Variants in SYNGR1 observed in about 807,000 individuals in gnomAD.
The protein encoded by SYNGR1 is synaptogyrin-1.
SYNGR1 carries 14 observed loss-of-function variants against 26.1 expected under a neutral mutation model. The observed-to-expected ratio is 0.54, with a 90% confidence interval of 0.35 to 0.84. The LOEUF (loss-of-function observed/expected upper bound fraction) is 0.84. Ranked by LOEUF, SYNGR1 falls within the 40% of genes least tolerant of loss-of-function variation. The pLI, the probability that SYNGR1 is intolerant of heterozygous loss-of-function variation, is 0.01. For missense variants in SYNGR1, 319 were observed against 332.9 expected (o/e 0.96, Z 0.33); for synonymous variants, 141 against 150.1 (o/e 0.94, Z 0.44).
At chr22:39,373,931 G>GTGGGGGC (rs967753563) in intron 1 of SYNGR1, among the ~76,000 whole-genome samples, 27 of 152,366 alleles carry the variant, frequency 1.8e-4, no homozygotes, top group Non-Finnish European at 3.7e-4. Flanking sequence ...CAGCCTGGGG[G>GTGGGGGC]TGGGGGCTGG....
intron 3 of SYNGR1, among the ~76,000 whole-genome samples, chr22:39,378,792 C>T (rs1925398180): frequency 6.6e-6 from 1 of 152,244 alleles, no homozygotes; most frequent in South Asian, 2.1e-4. Flanking sequence ...GAACTCCCAT[C>T]CTCCCTCTGC....
chr22:39,372,428 A>G (rs1275591942), intron 1 of SYNGR1, among the ~76,000 whole-genome samples: 1 of 109,964 alleles, frequency 9.1e-6, no homozygotes, highest in South Asian at 3.2e-4. Flanking sequence ...ACCATGCACC[A>G]CGCCCAGCTC....
chr22:39,356,986 G>A (rs2010904), intron 1 of SYNGR1, among the ~76,000 whole-genome samples: 22,547 of 152,120 alleles, frequency 0.15, 3,153 homozygotes, highest in African/African-American at 0.36. Flanking sequence ...GGCCAGGCGC[G>A]ATGGCTCACA....
chr22:39,377,218 C>A, intron 3 of SYNGR1: 1 of 1,435,918 alleles, frequency 7.0e-7, no homozygotes, highest in Non-Finnish European at 9.1e-7. Flanking sequence ...TTTTTGAGGG[C>A]CCCTGGATAT....
chr22:39,376,549 G>A (rs1192356691), intron 3 of SYNGR1, among the ~76,000 whole-genome samples: 1 of 152,206 alleles, frequency 6.6e-6, no homozygotes, highest in Non-Finnish European at 1.5e-5. Context: ...GGAAGGTGAG[G>A]CTTACAGGGT....
At position 39,350,197 on chromosome 22, in the gene SYNGR1, A is replaced by G; in HGVS notation, c.99+88A>G. ...CGCGCCCGGACCGACCCCGACCCCG[A>G]CCCCAACGGGCCCCCGGCGGCGGCG... On this transcript the variant is annotated intron_variant, in intron 1 of 3. Coordinates refer to ENST00000328933, the MANE Select transcript of SYNGR1 (RefSeq NM_004711.5). The surrounding 1 kb of genome is among the most constrained non-coding windows in gnomAD (Gnocchi z 4.3). 1 of 915,272 alleles carries G rather than the reference A, an allele frequency of 1.1e-6. No homozygotes were observed. The highest frequency in any genetic ancestry group is 1.4e-6 in the Non-Finnish European group (1 of 715,348). 56.7% of individuals were successfully genotyped at this position (915,272 alleles called of 1,614,324 possible).
At chr22:39,365,402 C>T (rs1924692291) in intron 1 of SYNGR1, among the ~76,000 whole-genome samples, 1 of 152,086 alleles carries the variant, frequency 6.6e-6, no homozygotes, top group South Asian at 2.1e-4. Context: ...CTGTGCAGGT[C>T]CCTAGAAGCG....
chr22:39,380,385 A>T (rs746040670), intron 3 of SYNGR1, among the ~76,000 whole-genome samples: 12 of 152,118 alleles, frequency 7.9e-5, no homozygotes, highest in Non-Finnish European at 1.3e-4. Context: ...CTGGCTCCAG[A>T]GGTCTTCGGT....
chr22:39,360,093 G>A (rs1924399390), intron 1 of SYNGR1, among the ~76,000 whole-genome samples: 1 of 152,114 alleles, frequency 6.6e-6, no homozygotes, highest in Non-Finnish European at 1.5e-5. Context: ...GTTAAATTCA[G>A]TCCTAGGCAT....
At chr22:39,379,670 C>A (rs1419136850) in intron 3 of SYNGR1, 1 of 150,938 alleles carries the variant, frequency 6.6e-6, no homozygotes, top group African/African-American at 2.4e-5. Flanking sequence ...AATGCCCAGT[C>A]ACTGGGTTTC....
chr22:39,376,525 C>T (rs539252986), intron 3 of SYNGR1, among the ~76,000 whole-genome samples: 1 of 152,236 alleles, frequency 6.6e-6, no homozygotes, highest in East Asian at 1.9e-4. Flanking sequence ...GATGAGAAAG[C>T]AGAGGCCTAG....
At position 39,385,091 on chromosome 22, in the gene SYNGR1, A is replaced by T; in HGVS notation, c.*3177A>T. 1 of 398,450 alleles carries T rather than the reference A, an allele frequency of 2.5e-6. No homozygotes were observed. Among genetic ancestry groups the T allele is most frequent in the African/African-American group, 2.1e-5 (1 of 48,704 alleles). 24.7% of individuals were successfully genotyped at this position (398,450 alleles called of 1,614,324 possible). On this transcript the variant is annotated 3_prime_UTR_variant, in exon 4 of 4. Coordinates refer to ENST00000328933, the MANE Select transcript of SYNGR1 (RefSeq NM_004711.5). ...CCAGGTTTCCCCATGTAACTGAGAC[A>T]CCCTGCCTGTTAGCCCTGGGAGACC...
intron 1 of SYNGR1, among the ~76,000 whole-genome samples, chr22:39,364,800 C>CT (rs972776646): frequency 1.3e-5 from 2 of 152,084 alleles, no homozygotes; most frequent in Non-Finnish European, 2.9e-5. Flanking sequence ...TCTGGGGTCT[C>CT]TGTTTCTATG....
rs755974331 is a variant in SYNGR1, at chr22:39,350,929, G to A, written c.99+820G>A. On this transcript the variant is annotated intron_variant, in intron 1 of 3. Coordinates refer to ENST00000328933, the MANE Select transcript of SYNGR1 (RefSeq NM_004711.5). This position sits in a 1 kb window ranked among gnomAD's most constrained non-coding sequence, Gnocchi z 4.3. ...TCTGCTCCCACAGTGAAGAGGCCAG[G>A]GTGGCCTCCAGCCTAGCTGGGGGGC... Among the ~76,000 whole-genome samples the A allele has an allele frequency of 6.6e-6, 1 of 152,180 alleles. No homozygotes were observed. Among genetic ancestry groups the A allele is most frequent in the African/African-American group, 2.4e-5 (1 of 41,448 alleles).
rs1445068722 is a variant in SYNGR1, at chr22:39,350,687, G to C, written c.99+578G>C. Among the ~76,000 whole-genome samples, 1 of 152,210 alleles carries C rather than the reference G, an allele frequency of 6.6e-6. No individual in the cohort carries two copies. Among genetic ancestry groups the C allele is most frequent in the African/African-American group, 2.4e-5 (1 of 41,454 alleles). On this transcript the variant is annotated intron_variant, in intron 1 of 3. Coordinates refer to ENST00000328933, the MANE Select transcript of SYNGR1 (RefSeq NM_004711.5). The surrounding 1 kb of genome is among the most constrained non-coding windows in gnomAD (Gnocchi z 4.3). ...GCCTCTCCTTCTCTGCGTGACCTTG[G>C]GCTGGGAGCCACCCAGGAAATGTTC...
Position 39,374,445 on chromosome 22 carries a change from C to G in SYNGR1, c.229C>G (p.Leu77Val). 6.2e-7 allele frequency: 1 copy of G among 1,613,988 alleles called. No homozygotes were observed. Among genetic ancestry groups the G allele is most frequent in the Non-Finnish European group, 8.5e-7 (1 of 1,180,034 alleles). Residue 77 changes from leucine to valine, a missense_variant, in exon 2 of 4, where the codon CTC (leucine) becomes GTC (valine). Leu to Val is a conservative substitution (Grantham distance 32). Transcript: ENST00000328933. ...ACSYGVAVGV[L>V]AFLTCLLYLA... ...CAGCTATGGCGTGGCCGTGGGCGTGCTCGCCTTCCTCACCTGCCTGCTGTA... is the reference window on the plus strand; with the variant it reads ...CAGCTATGGCGTGGCCGTGGGCGTGGTCGCCTTCCTCACCTGCCTGCTGTA...
Position 39,376,091 on chromosome 22 carries a change from T to C in SYNGR1, c.377T>C (p.Leu126Pro). The C allele has an allele frequency of 6.2e-7, 1 of 1,614,246 alleles. No homozygotes were observed. The highest frequency in any genetic ancestry group is 8.5e-7 in the Non-Finnish European group (1 of 1,180,050). The change falls in exon 3 of 4, where the codon CTG becomes CCG. Residue 126 changes from leucine (L) to proline (P), a missense_variant. Physicochemically the swap from Leu to Pro is moderately conservative, Grantham distance 98. Transcript: ENST00000328933. ...AFLWFVGFCY[L>P]ANQWQVSKPK... ...CTCTGGTTCGTGGGATTCTGCTACC[T>C]GGCCAACCAGTGGCAGGTCTCCAAG...
chr22:39,367,545 G>A (rs111729352), intron 1 of SYNGR1, among the ~76,000 whole-genome samples: 7,944 of 152,218 alleles, frequency 0.052, 690 homozygotes, highest in African/African-American at 0.18. Context: ...GTTGTAGACC[G>A]CGCGAGGTGG....
rs1158255291 is a variant in SYNGR1, at chr22:39,350,098, G to A, written c.88G>A (p.Val30Ile). 4 of 1,468,354 alleles carry A rather than the reference G, an allele frequency of 2.7e-6. No homozygotes were observed. In the African/African-American group the frequency reaches 4.4e-5, roughly 16 times the overall value. 91.0% of individuals were successfully genotyped at this position (1,468,354 alleles called of 1,614,324 possible). A position where few individuals can be genotyped will look rare whatever the true frequency, so the allele number is the denominator to read the frequency against. The change falls in exon 1 of 4, where the codon GTC becomes ATC. Residue 30 changes from valine to isoleucine, a missense_variant. Transcript: ENST00000328933. The surrounding 1 kb of genome is among the most constrained non-coding windows in gnomAD (Gnocchi z 4.3). Reference sequence around the variant, plus strand: ...CCGGCAGCCGCACACCATCCTGCGCGTCGTGTCTTGGGTAAGGACGGACTG... The same window carrying A: ...CCGGCAGCCGCACACCATCCTGCGCATCGTGTCTTGGGTAAGGACGGACTG... Reference protein sequence around the residue: ...LVRQPHTILRVVSWLFSIVVF... With the variant: ...LVRQPHTILRIVSWLFSIVVF...
Sources: allele counts gnomAD v4.1 joint callset (sites outside exome capture counted in the v4.1 genomes callset), GRCh38; gene constraint gnomAD v4.1.1; non-coding constraint Gnocchi (gnomAD v3.1); transcripts MANE v1.5; gene names NCBI Gene and HGNC (gene_info 2026-07-23, HGNC 2026-07-21).